NPTXR: variants seen among roughly 807,000 people sequenced by gnomAD.
NPTXR encodes the protein neuronal pentraxin receptor.
Under a neutral mutation model 32.2 loss-of-function variants are expected in NPTXR, and 12 were observed. The ratio of observed to expected loss-of-function variants is 0.37; its 90% CI spans 0.24 to 0.60. The LOEUF is 0.60. Among genes scored for constraint, NPTXR ranks in the 20% least tolerant of loss-of-function variants. NPTXR has a pLI of 0.66. For missense variants in NPTXR, 612 were observed against 682.9 expected (o/e 0.90, Z 1.16); for synonymous variants, 323 against 315.8 (o/e 1.02, Z -0.24).
chr22:38,822,929 G>C (rs944508228), intron 4 of NPTXR, 96 bp from the exon 5 acceptor site: 3 of 1,426,940 alleles, frequency 2.1e-6, no homozygotes, highest in Non-Finnish European at 2.9e-6. Flanking sequence ...CCCCGAGGCA[G>C]CCCCACCTTC....
intron 1 of NPTXR, among the ~76,000 whole-genome samples, chr22:38,842,130 G>T (rs1443881785): frequency 6.6e-6 from 1 of 152,186 alleles, no homozygotes; most frequent in Non-Finnish European, 1.5e-5. Context: ...GCTTGCCCAG[G>T]ATTTAACTTA....
chr22:38,826,571 G>T lies in NPTXR; in HGVS notation c.1027C>A (p.Pro343Thr). The change falls in exon 3 of 5, where the codon CCC (proline) becomes ACC (threonine). Residue 343 changes from proline to threonine, a missense_variant. Physicochemically the swap from Pro to Thr is conservative, Grantham distance 38. Transcript: ENST00000333039. ...AGTACAATCTCGTTGGCCTGCCCGG[G>T]CACTGAGTAGGAGAAGGGGGTGCCC... is the stretch of plus-strand genomic sequence containing the variant. 1.2e-6 allele frequency: 2 copies of T among 1,614,226 alleles called. No homozygotes were observed. Among genetic ancestry groups the T allele is most frequent in the Non-Finnish European group, 1.7e-6 (2 of 1,180,040 alleles).
chr22:38,842,601 C>A (rs918969684), intron 1 of NPTXR, among the ~76,000 whole-genome samples: 1 of 152,182 alleles, frequency 6.6e-6, no homozygotes, highest in African/African-American at 2.4e-5. Context: ...TCAGCCCCCA[C>A]CCAAGAGCTG....
intron 1 of NPTXR, among the ~76,000 whole-genome samples, chr22:38,835,582 C>A (rs551494036): frequency 9.1e-4 from 138 of 152,288 alleles, no homozygotes; most frequent in African/African-American, 2.3e-3. Flanking sequence ...GCCCCAGGCC[C>A]CTTGCTCCTC....
Position 38,843,318 on chromosome 22 carries a change from C to T in NPTXR, c.541G>A (p.Asp181Asn). Residue 181 changes from aspartate to asparagine, a missense_variant, in exon 1 of 5, where the codon GAC (aspartate) becomes AAC (asparagine). Coordinates refer to ENST00000333039, the MANE Select transcript of NPTXR (RefSeq NM_014293.4). The surrounding 1 kb of genome is among the most constrained non-coding windows in gnomAD (Gnocchi z 5.3). ...AGCGCAGGCGAGTCCCAGGGCCCGT[C>T]GGCCATGGTGTCGCGGCGGGGCCCG... The T allele has an allele frequency of 1.4e-6, 2 of 1,427,084 alleles. No individual in the cohort carries two copies. The highest frequency in any genetic ancestry group is 1.8e-6 in the Non-Finnish European group (2 of 1,097,530). The allele number at this position is 1,427,084 out of a possible 1,614,324, so 88.4% of individuals were successfully genotyped here. A position where few individuals can be genotyped will look rare whatever the true frequency, so the allele number is the denominator to read the frequency against.
Position 38,822,674 on chromosome 22 carries a change from C to T in NPTXR, c.1438G>A (p.Val480Met), listed in dbSNP as rs376143434. The T allele has an allele frequency of 1.0e-4, 167 of 1,614,004 alleles. No homozygotes were observed. The highest frequency in any genetic ancestry group is 2.2e-4 in the South Asian group (20 of 91,086). ...TTTGTTGCACCCCCAAAGGCCTCCACCAACTTGTCTTCCCAGGGAAGGACG... is the reference window on the plus strand; with the variant it reads ...TTTGTTGCACCCCCAAAGGCCTCCATCAACTTGTCTTCCCAGGGAAGGACG... The change falls in exon 5 of 5, where the codon GTG becomes ATG. Residue 480 changes from valine (V) to methionine (M), a missense_variant. Coordinates refer to ENST00000333039, the MANE Select transcript of NPTXR (RefSeq NM_014293.4).
chr22:38,826,378 T>C (rs1429973389), intron 3 of NPTXR, 122 bp downstream of exon 3: 7 of 1,211,566 alleles, frequency 5.8e-6, no homozygotes, highest in African/African-American at 1.5e-5. Flanking sequence ...GGTAGGTACT[T>C]AATGTGTGCT....
At position 38,834,600 on chromosome 22, in the gene NPTXR, T is replaced by TCATCCATCCATC. The variant is rs3042737; in HGVS notation, c.625-6100_625-6089dup. Among the ~76,000 whole-genome samples the TCATCCATCCATC allele has an allele frequency of 8.6e-3, 1,269 of 147,404 alleles. 11 individuals are homozygous for TCATCCATCCATC. Among genetic ancestry groups the TCATCCATCCATC allele is most frequent in the South Asian group, 0.011 (49 of 4,516 alleles). On this transcript the variant is annotated intron_variant, in intron 1 of 4. Transcript: ENST00000333039. This position sits in a 1 kb window ranked among gnomAD's most constrained non-coding sequence, Gnocchi z 4.4. Reference sequence around the variant, plus strand: ...ACTCATCCATCCATCCATCCATCCATCATCCATCCATCCATCCATCCATCC... The same window carrying TCATCCATCCATC: ...ACTCATCCATCCATCCATCCATCCATCATCCATCCATCCATCCATCCATCCATCCATCCATCC...
intron 2 of NPTXR, among the ~76,000 whole-genome samples, chr22:38,827,902 T>C (rs889262670): frequency 1.1e-4 from 16 of 152,172 alleles, no homozygotes; most frequent in African/African-American, 3.4e-4. Context: ...AAATGCTATT[T>C]TGTGGGTGGT....
At chr22:38,832,958 G>A (rs1278013865) in intron 1 of NPTXR, among the ~76,000 whole-genome samples, 1 of 152,232 alleles carries the variant, frequency 6.6e-6, no homozygotes, top group Non-Finnish European at 1.5e-5. Context: ...TCCTGCCAGC[G>A]TGGGGTGGCT....
At chr22:38,841,305 G>T (rs1175323880) in intron 1 of NPTXR, among the ~76,000 whole-genome samples, 1 of 152,268 alleles carries the variant, frequency 6.6e-6, no homozygotes, top group Non-Finnish European at 1.5e-5. Flanking sequence ...AGAGGAAAAG[G>T]TATACATGGG....
At chr22:38,831,574 C>T (rs1441030947) in intron 1 of NPTXR, among the ~76,000 whole-genome samples, 1 of 152,172 alleles carries the variant, frequency 6.6e-6, no homozygotes, top group Non-Finnish European at 1.5e-5. Flanking sequence ...TCAGGTGACA[C>T]TGGATGGCCC....
Position 38,819,134 on chromosome 22 carries a change from AG to A in NPTXR, c.*3474del, listed in dbSNP as rs1487946270. 1 of 152,294 alleles carries A rather than the reference AG, an allele frequency of 6.6e-6. No individual in the cohort carries two copies. The highest frequency in any genetic ancestry group is 1.5e-5 in the Non-Finnish European group (1 of 68,076). The allele number at this position is 152,294 out of a possible 1,614,324, so 9.4% of individuals were successfully genotyped here. A position where few individuals can be genotyped will look rare whatever the true frequency, so the allele number is the denominator to read the frequency against. On this transcript the variant is annotated 3_prime_UTR_variant, in exon 5 of 5. Coordinates refer to ENST00000333039, the MANE Select transcript of NPTXR (RefSeq NM_014293.4). ...GTTGGTGGGGGCACCACATGCCACA[AG>A]ATGGGAAGATCTGGCAGATAACAGC...
At chr22:38,824,656 T>C (rs2093103514) in intron 3 of NPTXR, among the ~76,000 whole-genome samples, 1 of 152,218 alleles carries the variant, frequency 6.6e-6, no homozygotes. Context: ...AAAAGGACTC[T>C]AGAGCGTCCC....
Position 38,829,820 on chromosome 22 carries a change from C to T in NPTXR, c.625-1308G>A, listed in dbSNP as rs115826297. On this transcript the variant is annotated intron_variant, in intron 1 of 4. Transcript: ENST00000333039. The stretch of plus-strand genomic sequence containing the variant: ...GCAAAACAGAAAACCAAGAACCCCA[C>T]CTTTCCTCAGTTTCCTAAGCTGCGA... 7.3e-3 allele frequency among the ~76,000 whole-genome samples: 1,118 copies of T among 152,338 alleles called. 8 individuals are homozygous for T. The highest frequency in any genetic ancestry group is 0.026 in the African/African-American group (1,066 of 41,572).
At chr22:38,832,815 C>G (rs2093118398) in intron 1 of NPTXR, among the ~76,000 whole-genome samples, 2 of 151,690 alleles carry the variant, frequency 1.3e-5, no homozygotes, top group African/African-American at 4.9e-5. Context: ...CAAGTGGGCA[C>G]AGTGCTGGTT....
At position 38,836,440 on chromosome 22, in the gene NPTXR, G is replaced by A. The variant is rs867905972; in HGVS notation, c.624+6795C>T. Among the ~76,000 whole-genome samples the A allele has an allele frequency of 7.4e-4, 113 of 152,360 alleles. 1 individual carries two copies. Among genetic ancestry groups the A allele is most frequent in the African/African-American group, 2.6e-3 (107 of 41,582 alleles). On this transcript the variant is annotated intron_variant, in intron 1 of 4. Coordinates refer to ENST00000333039, the MANE Select transcript of NPTXR (RefSeq NM_014293.4). ...ACGGCAATGAAAACGGCAATCCTCCGTGGGTACACGCAATAAGCCTGGATG... is the reference window on the plus strand; with the variant it reads ...ACGGCAATGAAAACGGCAATCCTCCATGGGTACACGCAATAAGCCTGGATG...
rs913323384 is a variant in NPTXR at position 38,820,751 on chromosome 22, G to A, written c.*1858C>T. On this transcript the variant is annotated 3_prime_UTR_variant, in exon 5 of 5. Coordinates refer to ENST00000333039, the MANE Select transcript of NPTXR (RefSeq NM_014293.4). ...GAGGGGGAAGAACACTGAAGAGGGA[G>A]TCAGATGCCCTGAGCTCTAGTCCTG... is the stretch of plus-strand genomic sequence containing the variant. 6.6e-6 allele frequency: 1 copy of A among 152,470 alleles called. No homozygotes were observed. The highest frequency in any genetic ancestry group is 1.5e-5 in the Non-Finnish European group (1 of 68,260). The allele number at this position is 152,470 out of a possible 1,614,324, so 9.4% of individuals were successfully genotyped here.
intron 2 of NPTXR, among the ~76,000 whole-genome samples, chr22:38,827,450 C>T (rs2093109084): frequency 2.0e-5 from 3 of 152,004 alleles, no homozygotes; most frequent in South Asian, 4.2e-4. Context: ...GGCAGGCTGG[C>T]CTTGAACTCC....
Sources: allele counts gnomAD v4.1 joint callset (sites outside exome capture counted in the v4.1 genomes callset), GRCh38; gene constraint gnomAD v4.1.1; non-coding constraint Gnocchi (gnomAD v3.1); transcripts MANE v1.5; gene names NCBI Gene and HGNC (gene_info 2026-07-23, HGNC 2026-07-21).